Variants in GRIN2B observed in about 807,000 individuals in gnomAD.
GRIN2B encodes glutamate ionotropic receptor NMDA type subunit 2B.
Under a neutral mutation model 114.5 loss-of-function variants are expected in GRIN2B, and 5 were observed. That is an observed-to-expected ratio of 0.04 (90% CI 0.02 to 0.09). The LOEUF (loss-of-function observed/expected upper bound fraction) is 0.09, where lower values mean the gene tolerates loss of function less well. Among genes scored for constraint, GRIN2B ranks in the 10% least tolerant of loss-of-function variants. The probability of loss-of-function intolerance (pLI) is 1.00; values close to 1 mark genes in which losing one functional copy is unlikely to be tolerated. For synonymous variants in GRIN2B, 787 were observed against 745.1 expected (o/e 1.06, Z -0.92); for missense variants, 1,108 against 1,943.5 (o/e 0.57, Z 8.08).
chr12:13,887,311 A>G lies in GRIN2B; in HGVS notation c.-18-21085T>C, dbSNP rs73298603. On this transcript the variant is annotated intron_variant, in intron 2 of 13. Coordinates refer to ENST00000609686, the MANE Select transcript of GRIN2B (RefSeq NM_000834.5). ...GGCAAGTACAATCATATAAATACAT[A>G]CATTATAAATGTACATGCAGCTCAG... Among the ~76,000 whole-genome samples the G allele has an allele frequency of 6.9e-3, 1,057 of 152,346 alleles. 16 individuals carry two copies. Among genetic ancestry groups the G allele is most frequent in the African/African-American group, 0.024 (996 of 41,582 alleles).
chr12:13,978,775 T>C (rs1178363593), intron 2 of GRIN2B, among the ~76,000 whole-genome samples: 1 of 152,230 alleles, frequency 6.6e-6, no homozygotes, highest in Non-Finnish European at 1.5e-5. Context: ...CTCACCATCA[T>C]GGCCCTCCAA....
intron 5 of GRIN2B, among the ~76,000 whole-genome samples, chr12:13,622,026 G>A (rs963953099): frequency 1.3e-5 from 2 of 151,950 alleles, no homozygotes; most frequent in Non-Finnish European, 2.9e-5. Context: ...AAGGGAGAGG[G>A]GACCAGGGCA....
intron 2 of GRIN2B, among the ~76,000 whole-genome samples, chr12:13,923,830 G>T (rs1009984252): frequency 2.0e-5 from 3 of 152,122 alleles, no homozygotes; most frequent in Admixed American, 2.0e-4. Context: ...GGTGAAGCCA[G>T]TCTACCCTCA....
intron 12 of GRIN2B, among the ~76,000 whole-genome samples, chr12:13,569,535 A>C (rs1948681016): frequency 6.6e-6 from 1 of 152,178 alleles, no homozygotes; most frequent in Admixed American, 6.5e-5. Context: ...AGAGGCATGA[A>C]ACAGATTCTC....
rs759242015 is a variant in GRIN2B, at chr12:13,558,388, T to G, written c.*4395A>C. The G allele has an allele frequency of 2.0e-5, 3 of 151,870 alleles. No homozygotes were observed. Among genetic ancestry groups the G allele is most frequent in the Non-Finnish European group, 2.9e-5 (2 of 68,012 alleles). The allele number at this position is 151,870 out of a possible 1,614,324, so 9.4% of individuals were successfully genotyped here. ...TGATGATTGAAAGAATAAAGTGAGT[T>G]CTGGAATAGTTTTTCCAAAAGCTTA... On this transcript the variant is annotated 3_prime_UTR_variant, in exon 14 of 14. Transcript: ENST00000609686.
chr12:13,576,755 G>A (rs1279243425), intron 10 of GRIN2B, among the ~76,000 whole-genome samples: 3 of 152,154 alleles, frequency 2.0e-5, no homozygotes, highest in Admixed American at 1.3e-4. Flanking sequence ...GTTTCGCCAT[G>A]TTGGCCAGGC....
chr12:13,604,179 T>C (rs532057276), intron 10 of GRIN2B, among the ~76,000 whole-genome samples: 13 of 152,154 alleles, frequency 8.5e-5, no homozygotes, highest in Non-Finnish European at 1.9e-4. Context: ...CTGGGGGAGC[T>C]GATGGAACGT....
intron 10 of GRIN2B, among the ~76,000 whole-genome samples, chr12:13,605,551 T>TCTCTCTCTCTCTCTCTCTCTCACACACA: frequency 1.1e-3 from 35 of 30,478 alleles, no homozygotes; most frequent in South Asian, 3.9e-3. Flanking sequence ...TCTCTCTCTC[T>TCTCTCTCTCTCTCTCTCTCTCACACACA]GACACACACA....
chr12:13,827,616 T>C (rs1865068415), intron 3 of GRIN2B, among the ~76,000 whole-genome samples: 1 of 151,330 alleles, frequency 6.6e-6, no homozygotes. Context: ...AAAGATGTCT[T>C]TCATTTTTCT....
intron 4 of GRIN2B, among the ~76,000 whole-genome samples, chr12:13,721,794 T>C (rs1862885447): frequency 6.6e-6 from 1 of 151,972 alleles, no homozygotes; most frequent in East Asian, 1.9e-4. Flanking sequence ...TCTAGGAAAG[T>C]TATGTAAATT....
intron 5 of GRIN2B, among the ~76,000 whole-genome samples, chr12:13,649,799 A>G (rs1315531316): frequency 6.6e-6 from 1 of 152,092 alleles, no homozygotes; most frequent in African/African-American, 2.4e-5. Context: ...AAATCATTCA[A>G]ACCTCTGGCC....
At chr12:13,665,156 T>C (rs1949961496) in intron 5 of GRIN2B, among the ~76,000 whole-genome samples, 1 of 54,400 alleles carries the variant, frequency 1.8e-5, no homozygotes, top group Non-Finnish European at 3.8e-5. Context: ...TTTGTGTGTG[T>C]GTGTGTGTGT....
chr12:13,676,840 T>C (rs1309065293), intron 4 of GRIN2B, among the ~76,000 whole-genome samples: 1 of 152,132 alleles, frequency 6.6e-6, no homozygotes, highest in Non-Finnish European at 1.5e-5. Context: ...TTACACTATG[T>C]ATAGGGAACA....
chr12:13,965,240 C>T (rs909587930), intron 2 of GRIN2B, among the ~76,000 whole-genome samples: 5 of 152,186 alleles, frequency 3.3e-5, no homozygotes, highest in African/African-American at 2.4e-5. Flanking sequence ...TAGCCCTGGT[C>T]TCTTTAAGGT....
At chr12:13,622,510 G>T (rs1246892908) in intron 5 of GRIN2B, among the ~76,000 whole-genome samples, 1 of 152,022 alleles carries the variant, frequency 6.6e-6, no homozygotes. Flanking sequence ...TTGAGTATAT[G>T]ATAATACTTC....
rs914994312 is a variant in GRIN2B, at chr12:13,878,250, G to A, written c.-18-12024C>T. Among the ~76,000 whole-genome samples, 7 of 152,084 alleles carry A rather than the reference G, an allele frequency of 4.6e-5. No individual in the cohort carries two copies. The South Asian group carries it at 8.3e-4, about 18-fold the overall frequency. ...CCAAGACAGGGCTATCGACTCCCCC[G>A]ACCCACTTCCCTTTCTGCCACTCAC... On this transcript the variant is annotated intron_variant, in intron 2 of 13. Coordinates refer to ENST00000609686, the MANE Select transcript of GRIN2B (RefSeq NM_000834.5).
intron 5 of GRIN2B, among the ~76,000 whole-genome samples, chr12:13,643,960 A>G (rs1265746369): frequency 6.6e-6 from 1 of 152,090 alleles, no homozygotes; most frequent in Non-Finnish European, 1.5e-5. Flanking sequence ...GAAGTCTTGA[A>G]TTCCTTAAAG....
chr12:13,860,865 C>T (rs1865740913), intron 3 of GRIN2B, among the ~76,000 whole-genome samples: 1 of 152,160 alleles, frequency 6.6e-6, no homozygotes, highest in South Asian at 2.1e-4. Context: ...CCTACTGTAA[C>T]TTCTACCTTT....
Position 13,794,207 on chromosome 12 carries a change from CAAA to C in GRIN2B, c.412-40295_412-40293del, listed in dbSNP as rs3082833. Among the ~76,000 whole-genome samples the C allele has an allele frequency of 3.9e-5, 4 of 103,030 alleles. No homozygotes were observed. The South Asian group carries it at 1.1e-3, about 27-fold the overall frequency. The allele number at this position is 103,030 out of a possible 152,430, so 67.6% of individuals were successfully genotyped here. A position where few individuals can be genotyped will look rare whatever the true frequency, so the allele number is the denominator to read the frequency against. Reference sequence around the variant, plus strand: ...TGGGCAATAGTGTGAGACTCTGTCTCAAAAAAAAAAAAAAAAGAAAAAGAAAAG... The same window carrying C: ...TGGGCAATAGTGTGAGACTCTGTCTCAAAAAAAAAAAAAGAAAAAGAAAAG... On this transcript the variant is annotated intron_variant, in intron 3 of 13. Coordinates refer to ENST00000609686, the MANE Select transcript of GRIN2B (RefSeq NM_000834.5).
Sources: gnomAD v4.1 joint callset for allele counts (sites outside exome capture counted in the v4.1 genomes callset) on GRCh38, gnomAD v4.1.1 for gene constraint, MANE v1.5 for transcripts, NCBI Gene and HGNC (gene_info 2026-07-23, HGNC 2026-07-21) for gene names.